WDR48: variants seen among roughly 807,000 people sequenced by gnomAD.
WDR48 encodes the protein WD repeat-containing protein 48.
In WDR48, 22 loss-of-function variants were observed where a neutral mutation model predicts 94.0. The observed-to-expected ratio is 0.23, with a 90% confidence interval of 0.17 to 0.33. WDR48 has a LOEUF of 0.33. Among genes scored for constraint, WDR48 ranks in the 10% least tolerant of loss-of-function variants. The pLI, the probability that WDR48 is intolerant of heterozygous loss-of-function variation, is 1.00. For missense variants in WDR48, 541 were observed against 813.8 expected (o/e 0.66, Z 4.08); for synonymous variants, 278 against 280.5 (o/e 0.99, Z 0.09).
intron 16 of WDR48, 114 bp from the exon 17 acceptor site, chr3:39,091,511 G>C: frequency 1.2e-6 from 1 of 821,360 alleles, no homozygotes; most frequent in Non-Finnish European, 1.8e-6. Context: ...TTCATAGAAA[G>C]TCACTTTTAA....
At chr3:39,092,424 T>A (rs2035127295) in intron 17 of WDR48, among the ~76,000 whole-genome samples, 1 of 152,012 alleles carries the variant, frequency 6.6e-6, no homozygotes, top group African/African-American at 2.4e-5. Flanking sequence ...TGATCAGGGA[T>A]GTGGAAGTGG....
intron 1 of WDR48, among the ~76,000 whole-genome samples, chr3:39,058,802 C>T (rs376559321): frequency 7.2e-4 from 110 of 152,172 alleles, no homozygotes; most frequent in African/African-American, 2.5e-3. Context: ...TGTGGCTGGG[C>T]GCGGTGGCTC....
intron 1 of WDR48, among the ~76,000 whole-genome samples, chr3:39,054,420 TCCAGACATTTTCAAATGTCC>T (rs1234774618): frequency 6.6e-6 from 1 of 152,326 alleles, no homozygotes; most frequent in South Asian, 2.1e-4. Flanking sequence ...TAAAAATGTC[TCCAGACATTTTCAAATGTCC>T]CCTCAAGGGC....
At position 39,060,752 on chromosome 3, in the gene WDR48, G is replaced by A. The variant is rs532186759; in HGVS notation, c.49-2298G>A. 3.4e-3 allele frequency among the ~76,000 whole-genome samples: 517 copies of A among 152,294 alleles called. 6 individuals are homozygous for A. The highest frequency in any genetic ancestry group is 2.9e-3 in the Non-Finnish European group (196 of 68,030). On this transcript the variant is annotated intron_variant, in intron 1 of 18. Coordinates refer to ENST00000302313, the MANE Select transcript of WDR48 (RefSeq NM_020839.4). ...CCAGCACTTTGGGAGGCTGAGGCGG[G>A]TGGACCACTTGAAACCCAGCCTGGC...
intron 18 of WDR48, 179 bp from the exon 19 acceptor site, chr3:39,094,469 A>C (rs2035239545): frequency 6.5e-7 from 1 of 1,534,308 alleles, no homozygotes; most frequent in Non-Finnish European, 8.7e-7. Context: ...CAAAAGATGT[A>C]CATCTCACTA....
At position 39,084,719 on chromosome 3, in the gene WDR48, C is replaced by T. The variant is rs1311286349; in HGVS notation, c.1356C>T (p.Ser452=). 2.5e-6 allele frequency: 4 copies of T among 1,613,344 alleles called. No homozygotes were observed. The highest frequency in any genetic ancestry group is 3.4e-6 in the Non-Finnish European group (4 of 1,179,736). ...CTGCAAAAGATGCTGGTTTCAGCAG[C>T]CCTGATGGGTCAGATCCAAAATGTG... ...WVSAKDAGFS[S]PDGSDPKLNL... Residue 452 remains serine (S), a synonymous_variant, in exon 13 of 19, where the codon AGC becomes AGT. Transcript: ENST00000302313.
intron 1 of WDR48, among the ~76,000 whole-genome samples, chr3:39,055,792 C>T (rs2032838568): frequency 6.6e-6 from 1 of 152,196 alleles, no homozygotes; most frequent in African/African-American, 2.4e-5. Context: ...CTCTGTGCCT[C>T]CATTTTTCCT....
chr3:39,081,310 T>C (rs1173518677), intron 11 of WDR48, among the ~76,000 whole-genome samples: 1 of 152,204 alleles, frequency 6.6e-6, no homozygotes, highest in African/African-American at 2.4e-5. Flanking sequence ...AAAAAGGGAC[T>C]GTCACTGAAC....
chr3:39,077,106 C>T lies in WDR48; in HGVS notation c.898-33C>T, dbSNP rs528486308. On this transcript the variant is annotated intron_variant, in intron 8 of 18. Transcript: ENST00000302313. ...CTGGCAGTTCAGAAGAGTTGACATT[C>T]CACAAAGCAATATTTTTGTGCTTTG... The T allele has an allele frequency of 3.7e-6, 6 of 1,611,636 alleles. No homozygotes were observed. The South Asian group carries it at 6.6e-5, about 18-fold the overall frequency.
In WDR48 at chr3:39,063,058, T is replaced by C; in HGVS notation, c.57T>C (p.Tyr19=). ...TAGRRKVQVS[Y]VIRDEVEKYN... is the part of the protein sequence containing the mutation. ...GTTGACACATTTGTCAGGTTTCCTA[T>C]GTTATTCGAGATGAAGTGGAGAAGT... The change falls in exon 2 of 19, where the codon TAT becomes TAC. Residue 19 remains tyrosine, a synonymous_variant. Transcript: ENST00000302313. 1 of 1,614,062 alleles carries C rather than the reference T, an allele frequency of 6.2e-7. No individual in the cohort carries two copies. The highest frequency in any genetic ancestry group is 1.1e-5 in the South Asian group (1 of 91,062).
At chr3:39,065,586 G>A (rs183527371) in intron 2 of WDR48, among the ~76,000 whole-genome samples, 1 of 151,820 alleles carries the variant, frequency 6.6e-6, no homozygotes, top group East Asian at 1.9e-4. Flanking sequence ...TATTTGTCCT[G>A]GAAACCTAAG....
intron 13 of WDR48, 76 bp downstream of exon 13, chr3:39,084,817 T>A: frequency 6.2e-6 from 8 of 1,282,178 alleles, no homozygotes; most frequent in Non-Finnish European, 8.8e-6. Flanking sequence ...TGCTAAGTAC[T>A]TATCTTTGTA....
At position 39,078,213 on chromosome 3, in the gene WDR48, G is replaced by C. The variant is rs749267797; in HGVS notation, c.1049G>C (p.Cys350Ser). 4 of 1,612,844 alleles carry C rather than the reference G, an allele frequency of 2.5e-6. No homozygotes were observed. The Admixed American group carries it at 6.7e-5, about 27-fold the overall frequency. The change falls in exon 10 of 19, where the codon TGT (cysteine) becomes TCT (serine). Residue 350 changes from cysteine to serine, a missense_variant. Physicochemically the swap from Cys to Ser is moderately radical, Grantham distance 112. Transcript: ENST00000302313. ...NDCTNPITPL[C>S]TQPDQVIKGG... The stretch of plus-strand genomic sequence containing the variant: ...TGTACAAATCCTATAACACCTCTTT[G>C]TACACAACCTGACCAGGTTATTAAA...
intron 16 of WDR48, chr3:39,089,991 T>G (rs1406353726): frequency 2.6e-5 from 4 of 152,244 alleles, no homozygotes; most frequent in Admixed American, 1.3e-4. Context: ...GTGTGCTTTT[T>G]AGGATAAATT....
At chr3:39,082,378 T>G (rs1421156296) in intron 11 of WDR48, among the ~76,000 whole-genome samples, 2 of 151,916 alleles carry the variant, frequency 1.3e-5, no homozygotes, top group Non-Finnish European at 2.9e-5. Flanking sequence ...GACTCCCTGG[T>G]TCAAGCGATT....
chr3:39,084,191 G>C lies in WDR48; in HGVS notation c.1210G>C (p.Glu404Gln). The C allele has an allele frequency of 6.2e-7, 1 of 1,612,018 alleles. No individual in the cohort carries two copies. ...KVEDLGKVDF[E>Q]DEIKKRFKMV... ...TGAAGATCTGGGCAAAGTGGATTTT[G>C]AAGATGAAATTAAGAAAAGATTTAA... Residue 404 changes from glutamate to glutamine, a missense_variant, in exon 12 of 19, where the codon GAA (glutamate) becomes CAA (glutamine). By Grantham distance (29) the Glu-to-Gln change is conservative. Transcript: ENST00000302313.
intron 11 of WDR48, among the ~76,000 whole-genome samples, chr3:39,081,426 T>C (rs1281978087): frequency 1.3e-5 from 2 of 152,176 alleles, no homozygotes; most frequent in Non-Finnish European, 2.9e-5. Context: ...TGAGAGGCTT[T>C]AGTTCTTTGA....
Position 39,094,843 on chromosome 3 carries a change from C to G in WDR48, c.*100C>G. The G allele has an allele frequency of 7.0e-7, 1 of 1,435,370 alleles. No homozygotes were observed. Among genetic ancestry groups the G allele is most frequent in the Admixed American group, 2.1e-5 (1 of 48,714 alleles). The allele number at this position is 1,435,370 out of a possible 1,614,324, so 88.9% of individuals were successfully genotyped here. A position where few individuals can be genotyped will look rare whatever the true frequency, so the allele number is the denominator to read the frequency against. ...CTGATCCCCAACGGGAGCAAGACTT[C>G]TAACGGCTGATTGGTATGGACCGAG... On this transcript the variant is annotated 3_prime_UTR_variant, in exon 19 of 19. Transcript: ENST00000302313.
At chr3:39,087,858 G>T in intron 14 of WDR48, 1 of 357,418 alleles carries the variant, frequency 2.8e-6, no homozygotes, top group Non-Finnish European at 5.2e-6. Context: ...GAAGTAGCTG[G>T]TTATGTTTTT....
Sources: gnomAD v4.1 joint callset for allele counts (sites outside exome capture counted in the v4.1 genomes callset) on GRCh38, gnomAD v4.1.1 for gene constraint, MANE v1.5 for transcripts, NCBI Gene and HGNC (gene_info 2026-07-23, HGNC 2026-07-21) for gene names.